Variants in LAMB1 observed in about 807,000 individuals in gnomAD.
LAMB1 encodes the protein laminin subunit beta-1.
A neutral mutation model predicts 222.3 loss-of-function variants in LAMB1; 121 were observed. The ratio of observed to expected loss-of-function variants is 0.54; its 90% CI spans 0.47 to 0.63. The LOEUF (loss-of-function observed/expected upper bound fraction) is 0.63. LAMB1 is among the 30% of genes least tolerant of loss of function. The pLI, the probability that LAMB1 is intolerant of heterozygous loss-of-function variation, is 0.00. For missense variants in LAMB1, 2,172 were observed against 2,240.8 expected (o/e 0.97, Z 0.62); for synonymous variants, 794 against 807.2 (o/e 0.98, Z 0.28).
intron 18 of LAMB1, among the ~76,000 whole-genome samples, chr7:107,960,107 G>A (rs972631005): frequency 6.6e-6 from 1 of 152,092 alleles, no homozygotes; most frequent in African/African-American, 2.4e-5. Context: ...TCAGAGGATG[G>A]TCTGACGTTT....
In LAMB1 at chr7:107,926,179, G is replaced by C; in HGVS notation, c.5064+4C>G. On this transcript the variant is annotated splice_donor_region_variant and intron_variant, in intron 32 of 33. Coordinates refer to ENST00000222399, the MANE Select transcript of LAMB1 (RefSeq NM_002291.3). ...TAGCTCTGAAATTACAAAGATTTAC[G>C]TACCTTCTTAACATCTTCTGCACTT... The C allele has an allele frequency of 4.3e-6, 7 of 1,609,300 alleles. No individual in the cohort carries two copies. The highest frequency in any genetic ancestry group is 6.0e-6 in the Non-Finnish European group (7 of 1,176,018).
At chr7:107,999,438 C>G (rs113857367) in intron 3 of LAMB1, among the ~76,000 whole-genome samples, 1,845 of 152,296 alleles carry the variant, frequency 0.012, 32 homozygotes, top group East Asian at 0.04. Flanking sequence ...ATGTATGTTA[C>G]AAACAGCATT....
chr7:107,953,804 G>A (rs747080107), intron 21 of LAMB1, 50 bp from the exon 22 acceptor site: 41 of 1,497,542 alleles, frequency 2.7e-5, no homozygotes, highest in Non-Finnish European at 3.7e-5. Flanking sequence ...TTGACTGAAA[G>A]CTCACCAGTG....
Position 107,940,068 on chromosome 7 carries a change from T to C in LAMB1, c.3682A>G (p.Ser1228Gly). The change falls in exon 25 of 34, where the codon AGC becomes GGC. Residue 1228 changes from serine to glycine, a missense_variant. Physicochemically the swap from Ser to Gly is moderately conservative, Grantham distance 56. Transcript: ENST00000222399. ...ETVDSVERKV[S>G]EIKDILAQSP... Reference sequence around the variant, plus strand: ...TGCGCCAGGATGTCTTTTATCTCGCTGACTTTCCTCTCCACCGAGTCCACA... The same window carrying C: ...TGCGCCAGGATGTCTTTTATCTCGCCGACTTTCCTCTCCACCGAGTCCACA... 1 of 1,614,194 alleles carries C rather than the reference T, an allele frequency of 6.2e-7. No homozygotes were observed. The highest frequency in any genetic ancestry group is 8.5e-7 in the Non-Finnish European group (1 of 1,180,032).
chr7:107,929,276 T>C (rs1230125513), intron 30 of LAMB1, 71 bp from the exon 31 acceptor site: 7 of 1,563,096 alleles, frequency 4.5e-6, no homozygotes, highest in East Asian at 4.5e-5. Flanking sequence ...TTCTTTTCTT[T>C]AAAGAATAGC....
intron 25 of LAMB1, among the ~76,000 whole-genome samples, chr7:107,938,096 C>G (rs2701029): frequency 2.0e-5 from 3 of 151,966 alleles, no homozygotes; most frequent in African/African-American, 7.3e-5. Flanking sequence ...CAGATTTTAC[C>G]TCTGGGTATT....
At chr7:107,935,364 TTTTTTTTTTG>T in intron 27 of LAMB1, 41 bp downstream of exon 27, 1 of 1,264,746 alleles carries the variant, frequency 7.9e-7, no homozygotes, top group East Asian at 3.0e-5. Flanking sequence ...TTTTTTTTTT[TTTTTTTTTTG>T]CTTGGCACCA....
In LAMB1 at chr7:107,986,159, A is replaced by G; in HGVS notation, c.612+16T>C. Reference sequence around the variant, plus strand: ...TAGATTTGCAAGTAGAATGTAAAACACAGAAGCAAACAAACCTCTCCTTCA... The same window carrying G: ...TAGATTTGCAAGTAGAATGTAAAACGCAGAAGCAAACAAACCTCTCCTTCA... On this transcript the variant is annotated intron_variant, in intron 6 of 33. Coordinates refer to ENST00000222399, the MANE Select transcript of LAMB1 (RefSeq NM_002291.3). 6.2e-7 allele frequency: 1 copy of G among 1,613,124 alleles called. No homozygotes were observed. Among genetic ancestry groups the G allele is most frequent in the Middle Eastern group, 1.7e-4 (1 of 6,060 alleles).
At chr7:107,990,543 ACTAAT>A (rs2034163150) in intron 5 of LAMB1, among the ~76,000 whole-genome samples, 1 of 150,122 alleles carries the variant, frequency 6.7e-6, no homozygotes, top group African/African-American at 2.5e-5. Context: ...CACTTGACTA[ACTAAT>A]TTTTTTTTAA....
Position 107,952,269 on chromosome 7 carries a change from A to G in LAMB1, c.3080-46T>C, listed in dbSNP as rs766321544. 1.5e-5 allele frequency: 22 copies of G among 1,421,440 alleles called. No homozygotes were observed. The Admixed American group carries it at 4.2e-4, about 27-fold the overall frequency. 88.1% of individuals were successfully genotyped at this position (1,421,440 alleles called of 1,614,324 possible). On this transcript the variant is annotated intron_variant, in intron 22 of 33. Transcript: ENST00000222399. Reference sequence around the variant, plus strand: ...TACTTATTGTCACACTCCCAAATACACAGGCATGCGGATGTTAGCCACATC... The same window carrying G: ...TACTTATTGTCACACTCCCAAATACGCAGGCATGCGGATGTTAGCCACATC...
chr7:107,926,321 G>T lies in LAMB1; in HGVS notation c.4926C>A (p.Phe1642Leu), dbSNP rs778526545. 5 of 1,613,896 alleles carry T rather than the reference G, an allele frequency of 3.1e-6. No homozygotes were observed. The highest frequency in any genetic ancestry group is 4.2e-6 in the Non-Finnish European group (5 of 1,179,850). The change falls in exon 32 of 34, where the codon TTC becomes TTA. Residue 1642 changes from phenylalanine (F) to leucine (L), a missense_variant. Phe to Leu is a conservative substitution (Grantham distance 22). Coordinates refer to ENST00000222399, the MANE Select transcript of LAMB1 (RefSeq NM_002291.3). ...SETAASEETL[F>L]NASQRISELE... ...ACTCGCTGATGCGCTGGGACGCGTTGAACAAGGTTTCCTCAGAAGCTGCTG... is the reference window on the plus strand; with the variant it reads ...ACTCGCTGATGCGCTGGGACGCGTTTAACAAGGTTTCCTCAGAAGCTGCTG...
intron 7 of LAMB1, among the ~76,000 whole-genome samples, chr7:107,982,653 G>C (rs1332235430): frequency 6.6e-6 from 1 of 152,050 alleles, no homozygotes; most frequent in Non-Finnish European, 1.5e-5. Context: ...AGAAACCCTT[G>C]AACTGACCTT....
At chr7:107,950,145 G>A (rs1401712366) in intron 24 of LAMB1, among the ~76,000 whole-genome samples, 1 of 151,994 alleles carries the variant, frequency 6.6e-6, no homozygotes, top group Non-Finnish European at 1.5e-5. Flanking sequence ...CAGGAGAATC[G>A]CTTGAACCCA....
At chr7:107,960,387 T>C (rs2033471805) in intron 18 of LAMB1, 58 bp downstream of exon 18, 2 of 1,351,030 alleles carry the variant, frequency 1.5e-6, no homozygotes, top group Non-Finnish European at 2.1e-6. Flanking sequence ...GTACTTCATG[T>C]GCCAGATATA....
chr7:107,978,138 G>A lies in LAMB1; in HGVS notation c.909C>T (p.Asn303=), dbSNP rs755775510. The change falls in exon 9 of 34, where the codon AAC becomes AAT. Residue 303 remains asparagine, a synonymous_variant. Coordinates refer to ENST00000222399, the MANE Select transcript of LAMB1 (RefSeq NM_002291.3). ...AGAGTTCACAGTTTAAGCCCTTGGT[G>A]TTATGCCTGCACATGCAGTGTCCGT... The part of the protein sequence containing the change: ...MVHGHCMCRH[N]TKGLNCELCM... The A allele has an allele frequency of 1.2e-6, 2 of 1,614,082 alleles. No individual in the cohort carries two copies. Among genetic ancestry groups the A allele is most frequent in the Non-Finnish European group, 1.7e-6 (2 of 1,179,944 alleles).
chr7:107,992,201 T>A (rs958717598), intron 5 of LAMB1, among the ~76,000 whole-genome samples: 1 of 152,214 alleles, frequency 6.6e-6, no homozygotes, highest in Non-Finnish European at 1.5e-5. Flanking sequence ...CTGCTCTCCC[T>A]TCCTGGCCCA....
rs1021269959 is a variant in LAMB1, at chr7:107,925,599, GCAT to G, written c.5064+581_5064+583del. 6.6e-5 allele frequency among the ~76,000 whole-genome samples: 10 copies of G among 152,184 alleles called. No homozygotes were observed. In the South Asian group the frequency reaches 2.1e-3, roughly 32 times the overall value. On this transcript the variant is annotated intron_variant, in intron 32 of 33. Transcript: ENST00000222399. ...TTTTTAATGTTCTCTTTAGAAATAA[GCAT>G]TATTGAGAAACTGAACATGTGTTTC...
At chr7:107,967,487 A>C (rs2150433803) in intron 13 of LAMB1, among the ~76,000 whole-genome samples, 1 of 152,276 alleles carries the variant, frequency 6.6e-6, no homozygotes, top group African/African-American at 2.4e-5. Flanking sequence ...TTATGATATC[A>C]AGCCATGATG....
At chr7:107,951,098 G>A (rs2033236386) in intron 24 of LAMB1, 128 bp downstream of exon 24, 1 of 640,568 alleles carries the variant, frequency 1.6e-6, no homozygotes, top group Admixed American at 3.0e-5. Context: ...AATTTATTTT[G>A]CAATTAAATA....
Sources: allele counts gnomAD v4.1 joint callset (sites outside exome capture counted in the v4.1 genomes callset), GRCh38; gene constraint gnomAD v4.1.1; transcripts MANE v1.5; gene names NCBI Gene and HGNC (gene_info 2026-07-23, HGNC 2026-07-21).